Variants in ITSN2 observed in about 807,000 individuals in gnomAD.
ITSN2 encodes the protein intersectin-2.
Under a neutral mutation model 243.7 loss-of-function variants are expected in ITSN2, and 156 were observed. That is an observed-to-expected ratio of 0.64 (90% confidence interval 0.56 to 0.73). The LOEUF (loss-of-function observed/expected upper bound fraction) is 0.73. ITSN2 is among the 30% of genes least tolerant of loss of function. The pLI, the probability that ITSN2 is intolerant of heterozygous loss-of-function variation, is 0.00. For synonymous variants in ITSN2, 703 were observed against 699.9 expected, an observed-to-expected ratio of 1.00 and a Z score of -0.07; for missense variants, 1,801 against 1,996.1, an observed-to-expected ratio of 0.90 and a Z score of 1.86.
chr2:24,277,881 A>C (rs1029266960), intron 17 of ITSN2, among the ~76,000 whole-genome samples: 5 of 152,248 alleles, frequency 3.3e-5, no homozygotes, highest in Non-Finnish European at 7.3e-5. Flanking sequence ...TAATGTTTTA[A>C]GAAAGTTTAC....
At position 24,270,749 on chromosome 2, in the gene ITSN2, C is replaced by A; in HGVS notation, c.2277G>T (p.Leu759Phe). Residue 759 changes from leucine (L) to phenylalanine (F), a missense_variant, in exon 20 of 40, where the codon TTG (leucine) becomes TTT (phenylalanine). This residue lies in a region of ITSN2 where 787 missense variants were observed against 803.9 expected (regional missense o/e 0.98). Transcript: ENST00000355123. Reference sequence around the variant, plus strand: ...AGGGGTATAATGCTCTATAATTCACCAAAACACTAGCTGTCTCACCTAAAG... The same window carrying A: ...AGGGGTATAATGCTCTATAATTCACAAAAACACTAGCTGTCTCACCTAAAG... Reference protein sequence around the residue: ...EEKKRETASVLVNYRALYPFE... With the variant: ...EEKKRETASVFVNYRALYPFE... 1 of 1,587,206 alleles carries A rather than the reference C, an allele frequency of 6.3e-7. No individual in the cohort carries two copies. Among genetic ancestry groups the A allele is most frequent in the Non-Finnish European group, 8.6e-7 (1 of 1,158,216 alleles).
At position 24,204,260 on chromosome 2, in the gene ITSN2, G is replaced by A. The variant is rs1208795272; in HGVS notation, c.4921C>T (p.Gln1641Ter). Residue 1641 changes from glutamine (Q) to a stop codon, truncating the protein, a stop_gained, in exon 39 of 40, where the codon CAG becomes TAG. Transcript: ENST00000355123. LOFTEE classifies it high-confidence loss of function. This position sits in a 1 kb window ranked among gnomAD's most constrained non-coding sequence, Gnocchi z 5.1. ...CGACACTTACCATCTGGTGAAAACT[G>A]GTCTCTGTCAAACAGGGTGAGACAC... is the stretch of plus-strand genomic sequence containing the variant. ...VLCLTLFDRD[Q>*]FSPDDFLGRT... 3 of 1,614,024 alleles carry A rather than the reference G, an allele frequency of 1.9e-6. No individual in the cohort carries two copies. Among genetic ancestry groups the A allele is most frequent in the Admixed American group, 3.3e-5 (2 of 60,016 alleles).
chr2:24,314,095 C>G (rs1683618996), intron 3 of ITSN2, among the ~76,000 whole-genome samples: 1 of 152,056 alleles, frequency 6.6e-6, no homozygotes, highest in Non-Finnish European at 1.5e-5. Flanking sequence ...CAGTGTTCCT[C>G]TCCTGTAACA....
rs79087404 is a variant in ITSN2 at position 24,308,729 on chromosome 2, T to C, written c.681A>G (p.Ser227=). 12,120 of 1,494,936 alleles carry C rather than the reference T, an allele frequency of 8.1e-3. 63 individuals carry two copies. Among genetic ancestry groups the C allele is most frequent in the Non-Finnish European group, 9.4e-3 (10,521 of 1,116,178 alleles). 92.6% of individuals were successfully genotyped at this position (1,494,936 alleles called of 1,614,324 possible). A position where few individuals can be genotyped will look rare whatever the true frequency, so the allele number is the denominator to read the frequency against. ...SSSTSSTASL[S]GNSPKTGTSE... is the part of the protein sequence containing the mutation. ...AGGTCCCAGTCTTGGGTGAGTTCCC[T>C]GAGAGTGAAGCAGTCGAGGAAGTTG... Residue 227 remains serine, a synonymous_variant, in exon 8 of 40, where the codon TCA becomes TCG. Transcript: ENST00000355123.
intron 1 of ITSN2, among the ~76,000 whole-genome samples, chr2:24,338,803 C>T (rs180772840): frequency 6.6e-6 from 1 of 151,920 alleles, no homozygotes; most frequent in Non-Finnish European, 1.5e-5. Flanking sequence ...CCAGCCCAGG[C>T]AACACAGCAA....
rs1385582558 is a variant in ITSN2 at position 24,233,362 on chromosome 2, C to A, written c.3578-12296G>T. ...ACTTCAGGTGGCTAATGGATGACCA[C>A]CGGTGACACAGGGATCCCAGTGGCA... On this transcript the variant is annotated intron_variant, in intron 29 of 39. Transcript: ENST00000355123. 3.3e-5 allele frequency among the ~76,000 whole-genome samples: 5 copies of A among 152,138 alleles called. No individual in the cohort carries two copies. The East Asian group carries it at 7.7e-4, about 23-fold the overall frequency.
chr2:24,278,104 A>G (rs1446289885), intron 17 of ITSN2, among the ~76,000 whole-genome samples: 2 of 152,176 alleles, frequency 1.3e-5, no homozygotes, highest in African/African-American at 2.4e-5. Flanking sequence ...TGAGGAGAGT[A>G]CTCAGTCTAA....
intron 20 of ITSN2, among the ~76,000 whole-genome samples, chr2:24,262,850 A>G (rs1676084794): frequency 6.6e-6 from 1 of 152,090 alleles, no homozygotes; most frequent in African/African-American, 2.4e-5. Context: ...AAATTCCTCT[A>G]TTATTCACAC....
chr2:24,288,975 T>C (rs1295142122), intron 15 of ITSN2, among the ~76,000 whole-genome samples: 1 of 152,206 alleles, frequency 6.6e-6, no homozygotes, highest in Non-Finnish European at 1.5e-5. Context: ...GTTCATGTTG[T>C]CCCTATGTCT....
At chr2:24,248,945 GGTTAATGGGA>G in intron 25 of ITSN2, 63 bp from the exon 26 acceptor site, 1 of 1,466,412 alleles carries the variant, frequency 6.8e-7, no homozygotes, top group Non-Finnish European at 9.5e-7. Context: ...AAAGTATAAA[GGTTAATGGGA>G]ATTAGAGATT....
intron 1 of ITSN2, among the ~76,000 whole-genome samples, chr2:24,330,119 A>G (rs1048305616): frequency 4.6e-5 from 7 of 152,198 alleles, no homozygotes; most frequent in Non-Finnish European, 8.8e-5. Flanking sequence ...AACTCTGCAT[A>G]ATAGCATGTG....
intron 10 of ITSN2, 29 bp downstream of exon 10, chr2:24,301,936 C>T: frequency 1.3e-6 from 2 of 1,585,138 alleles, no homozygotes; most frequent in Non-Finnish European, 1.7e-6. Flanking sequence ...TTATCAAAAC[C>T]ATAGTTCTCC....
chr2:24,294,355 G>A (rs1456420979), intron 14 of ITSN2, among the ~76,000 whole-genome samples: 1 of 152,190 alleles, frequency 6.6e-6, no homozygotes, highest in Non-Finnish European at 1.5e-5. Flanking sequence ...GAGCCTGGGA[G>A]GCAGAAGTTG....
chr2:24,344,137 A>T lies in ITSN2; in HGVS notation c.-33-16022T>A, dbSNP rs72855485. Among the ~76,000 whole-genome samples, 839 of 152,358 alleles carry T rather than the reference A, an allele frequency of 5.5e-3. 10 individuals carry two copies. Among genetic ancestry groups the T allele is most frequent in the African/African-American group, 0.019 (803 of 41,574 alleles). On this transcript the variant is annotated intron_variant, in intron 1 of 39. Transcript: ENST00000355123. ...ATCCTTCCATAGCAATATATAATAC[A>T]TCAATCATATCCTTTTAAATAGGTG... is the stretch of plus-strand genomic sequence containing the variant.
chr2:24,276,351 C>T (rs879418529), intron 17 of ITSN2, among the ~76,000 whole-genome samples: 7 of 151,910 alleles, frequency 4.6e-5, no homozygotes, highest in Non-Finnish European at 1.0e-4. Flanking sequence ...CACCATGAGC[C>T]AAAATAATGA....
At chr2:24,306,897 CT>C (rs1199851862) in intron 8 of ITSN2, among the ~76,000 whole-genome samples, 1 of 152,072 alleles carries the variant, frequency 6.6e-6, no homozygotes, top group African/African-American at 2.4e-5. Context: ...CCTCCGCCTC[CT>C]AGGTTCAAGC....
chr2:24,329,080 A>G (rs1685492370), intron 1 of ITSN2, among the ~76,000 whole-genome samples: 1 of 152,210 alleles, frequency 6.6e-6, no homozygotes, highest in African/African-American at 2.4e-5. Flanking sequence ...AGTATTTTTT[A>G]AAGTGTTAAA....
chr2:24,237,773 T>C (rs1405301230), intron 29 of ITSN2, among the ~76,000 whole-genome samples: 1 of 152,132 alleles, frequency 6.6e-6, no homozygotes, highest in African/African-American at 2.4e-5. Context: ...CTTGGGTGCA[T>C]ATCAGAATCA....
At chr2:24,230,015 G>A (rs1285776163) in intron 29 of ITSN2, among the ~76,000 whole-genome samples, 1 of 152,140 alleles carries the variant, frequency 6.6e-6, no homozygotes, top group East Asian at 1.9e-4. Flanking sequence ...TCATTCTCAT[G>A]GCTTATTTAT....
Sources: allele counts gnomAD v4.1 joint callset (sites outside exome capture counted in the v4.1 genomes callset), GRCh38; gene constraint gnomAD v4.1.1; regional missense constraint gnomAD v4.1.1; non-coding constraint Gnocchi (gnomAD v3.1); transcripts MANE v1.5; gene names NCBI Gene and HGNC (gene_info 2026-07-23, HGNC 2026-07-21).